The following LDB2 variants were observed in gnomAD, a reference collection of about 807,000 sequenced individuals.
The protein encoded by LDB2 is LIM domain binding 2.
LDB2 carries 12 observed loss-of-function variants against 44.3 expected under a neutral mutation model. The observed-to-expected ratio is 0.27, with a 90% CI of 0.17 to 0.44. LDB2 has a LOEUF of 0.44. Ranked by LOEUF, LDB2 falls within the 20% of genes least tolerant of loss-of-function variation. The pLI, the probability that LDB2 is intolerant of heterozygous loss-of-function variation, is 1.00. For synonymous variants in LDB2, 164 were observed against 174.8 expected (o/e 0.94, Z 0.49); for missense variants, 344 against 473.5 (o/e 0.73, Z 2.54).
intron 2 of LDB2, among the ~76,000 whole-genome samples, chr4:16,636,438 A>G (rs1733630684): frequency 6.6e-6 from 1 of 152,242 alleles, no homozygotes; most frequent in Non-Finnish European, 1.5e-5. Flanking sequence ...GGCCCACGGT[A>G]TCATACCTCA....
intron 1 of LDB2, among the ~76,000 whole-genome samples, chr4:16,763,636 T>C (rs1301807210): frequency 6.6e-6 from 1 of 152,176 alleles, no homozygotes; most frequent in African/African-American, 2.4e-5. Context: ...GAGCACATGT[T>C]TGAGGGCCCA....
chr4:16,692,313 C>A (rs1039823108), intron 2 of LDB2, among the ~76,000 whole-genome samples: 1 of 152,312 alleles, frequency 6.6e-6, no homozygotes, highest in East Asian at 1.9e-4. Context: ...TGATTAATTG[C>A]TGAGACCTTC....
chr4:16,562,727 A>T (rs1198244766), intron 5 of LDB2, among the ~76,000 whole-genome samples: 1 of 152,248 alleles, frequency 6.6e-6, no homozygotes, highest in African/African-American at 2.4e-5. Context: ...TACATACCCA[A>T]AGGACTATAA....
At position 16,502,450 on chromosome 4, in the gene LDB2, G is replaced by A; in HGVS notation, c.*193C>T. 1 of 755,726 alleles carries A rather than the reference G, an allele frequency of 1.3e-6. No individual in the cohort carries two copies. Among genetic ancestry groups the A allele is most frequent in the South Asian group, 1.9e-5 (1 of 51,998 alleles). 46.8% of individuals were successfully genotyped at this position (755,726 alleles called of 1,614,324 possible). On this transcript the variant is annotated 3_prime_UTR_variant, in exon 8 of 8. Transcript: ENST00000304523. ...GTGAAGGCCTCCAAGAAAGGGTCAT[G>A]GAAGCTTACTGGGAATAATCCTCTC...
chr4:16,753,092 G>C (rs1286162900), intron 2 of LDB2, among the ~76,000 whole-genome samples: 1 of 152,162 alleles, frequency 6.6e-6, no homozygotes, highest in Non-Finnish European at 1.5e-5. Flanking sequence ...TCTTGCACTT[G>C]AAATCCCATT....
rs534705336 is a variant in LDB2, at chr4:16,539,371, A to T, written c.616-27267T>A. Among the ~76,000 whole-genome samples, 85 of 152,334 alleles carry T rather than the reference A, an allele frequency of 5.6e-4. 1 individual carries two copies. In the South Asian group the frequency reaches 0.017, roughly 31 times the overall value. On this transcript the variant is annotated intron_variant, in intron 5 of 7. Transcript: ENST00000304523. ...CAAAAATTCAGCAAGTTTGGAGTTC[A>T]TGGTACTTCAAGGAAAAAGGAGAGA...
chr4:16,721,136 A>G (rs567728356), intron 2 of LDB2, among the ~76,000 whole-genome samples: 75 of 152,312 alleles, frequency 4.9e-4, no homozygotes, highest in African/African-American at 1.7e-3. Flanking sequence ...CTGTCCTTAA[A>G]TGACTGAGTA....
chr4:16,886,915 C>A (rs1028968642), intron 1 of LDB2, among the ~76,000 whole-genome samples: 137 of 151,550 alleles, frequency 9.0e-4, no homozygotes, highest in African/African-American at 3.0e-3. Flanking sequence ...CACCTGTAGT[C>A]CCAGCTACTC....
At position 16,533,259 on chromosome 4, in the gene LDB2, A is replaced by G. The variant is rs1224433559; in HGVS notation, c.616-21155T>C. ...TCCTACCAGCTGTGTGACTCTCCTC[A>G]AGCCTCGGTGCTATCAACATGTGAT... On this transcript the variant is annotated intron_variant, in intron 5 of 7. Coordinates refer to ENST00000304523, the MANE Select transcript of LDB2 (RefSeq NM_001290.5). This position sits in a 1 kb window ranked among gnomAD's most constrained non-coding sequence, Gnocchi z 4.1. Among the ~76,000 whole-genome samples the G allele has an allele frequency of 1.3e-5, 2 of 152,142 alleles. No homozygotes were observed. The highest frequency in any genetic ancestry group is 1.5e-5 in the Non-Finnish European group (1 of 68,030).
At chr4:16,782,306 C>T (rs1383975209) in intron 1 of LDB2, among the ~76,000 whole-genome samples, 4 of 152,020 alleles carry the variant, frequency 2.6e-5, no homozygotes, top group Non-Finnish European at 5.9e-5. Context: ...CTGGAATATA[C>T]TTGGCGCTCA....
chr4:16,744,727 C>T (rs566617949), intron 2 of LDB2, among the ~76,000 whole-genome samples: 5 of 152,272 alleles, frequency 3.3e-5, no homozygotes, highest in Admixed American at 6.5e-5. Context: ...CTGCCCGCCT[C>T]GGCCTCCCAA....
At chr4:16,785,052 G>A (rs998861187) in intron 1 of LDB2, among the ~76,000 whole-genome samples, 2 of 151,174 alleles carry the variant, frequency 1.3e-5, no homozygotes, top group Non-Finnish European at 2.9e-5. Flanking sequence ...AATAGTAAAC[G>A]AAAGAAAAAT....
At chr4:16,615,531 C>T (rs190356139) in intron 2 of LDB2, among the ~76,000 whole-genome samples, 1 of 152,188 alleles carries the variant, frequency 6.6e-6, no homozygotes, top group Non-Finnish European at 1.5e-5. Flanking sequence ...CACATGTTCT[C>T]GCTCATAAGT....
At chr4:16,764,904 G>A (rs1462987754) in intron 1 of LDB2, among the ~76,000 whole-genome samples, 1 of 152,088 alleles carries the variant, frequency 6.6e-6, no homozygotes, top group Non-Finnish European at 1.5e-5. Context: ...TCCAGTTTCC[G>A]CTAAAGTTTA....
chr4:16,568,846 GTAAT>G (rs915133651), intron 5 of LDB2, among the ~76,000 whole-genome samples: 28 of 152,316 alleles, frequency 1.8e-4, no homozygotes, highest in African/African-American at 6.3e-4. Flanking sequence ...TAATGTTGAA[GTAAT>G]TAATTGACAA....
At chr4:16,749,574 A>AT (rs1765061703) in intron 2 of LDB2, among the ~76,000 whole-genome samples, 3 of 134,888 alleles carry the variant, frequency 2.2e-5, no homozygotes, top group Admixed American at 1.5e-4. Flanking sequence ...AAAAAAAAAT[A>AT]AAAAAATAAA....
At chr4:16,880,687 C>T (rs1023417241) in intron 1 of LDB2, among the ~76,000 whole-genome samples, 3 of 151,980 alleles carry the variant, frequency 2.0e-5, no homozygotes, top group African/African-American at 4.8e-5. Context: ...CGTCGGATCA[C>T]GAGGTCAGGA....
intron 1 of LDB2, among the ~76,000 whole-genome samples, chr4:16,762,056 C>T (rs986826830): frequency 3.9e-5 from 6 of 151,996 alleles, no homozygotes; most frequent in South Asian, 2.1e-4. Flanking sequence ...GCCAGCCAGG[C>T]GTGGTGGTGG....
At chr4:16,772,462 C>G (rs949956928) in intron 1 of LDB2, among the ~76,000 whole-genome samples, 2 of 152,168 alleles carry the variant, frequency 1.3e-5, no homozygotes, top group Non-Finnish European at 2.9e-5. Context: ...CTTGAACTCC[C>G]ACAGGGCAGC....
Sources: gnomAD v4.1 joint callset for allele counts (sites outside exome capture counted in the v4.1 genomes callset) on GRCh38, gnomAD v4.1.1 for gene constraint, Gnocchi (gnomAD v3.1) non-coding constraint, MANE v1.5 for transcripts, NCBI Gene and HGNC (gene_info 2026-07-23, HGNC 2026-07-21) for gene names.